The following DCC variants were observed in gnomAD, a reference collection of about 807,000 sequenced individuals.
The protein encoded by DCC is netrin receptor DCC.
Under a neutral mutation model 172.5 loss-of-function variants are expected in DCC, and 58 were observed. That is an observed-to-expected ratio of 0.34 (90% CI 0.27 to 0.42). The LOEUF is 0.42. DCC is among the 10% of genes least tolerant of loss of function. The pLI is 1.00. For missense variants in DCC, 1,740 were observed against 1,791.0 expected (o/e 0.97, Z 0.51); for synonymous variants, 709 against 644.5 (o/e 1.10, Z -1.52).
At chr18:52,967,704 T>C (rs2040958300) in intron 5 of DCC, among the ~76,000 whole-genome samples, 1 of 152,202 alleles carries the variant, frequency 6.6e-6, no homozygotes, top group East Asian at 1.9e-4. Flanking sequence ...TCTCTCTAGA[T>C]GAGCTTTCAC....
intron 13 of DCC, among the ~76,000 whole-genome samples, chr18:53,312,121 AAC>A (rs1203455182): frequency 2.0e-5 from 3 of 150,172 alleles, no homozygotes; most frequent in Non-Finnish European, 3.0e-5. Context: ...CATCCTGTCT[AAC>A]ACGGTGAAAC....
intron 25 of DCC, among the ~76,000 whole-genome samples, chr18:53,479,068 G>A (rs951191352): frequency 1.3e-5 from 2 of 152,312 alleles, no homozygotes; most frequent in African/African-American, 2.4e-5. Flanking sequence ...TTTCCTAGGA[G>A]TAAGGAGTGC....
intron 27 of DCC, among the ~76,000 whole-genome samples, chr18:53,501,799 G>A (rs144538556): frequency 5.1e-4 from 78 of 152,306 alleles, no homozygotes; most frequent in African/African-American, 1.8e-3. Context: ...CCTATGCTCT[G>A]AAGTGCTACA....
chr18:53,073,645 C>T (rs780309698), intron 7 of DCC, among the ~76,000 whole-genome samples: 5 of 151,872 alleles, frequency 3.3e-5, no homozygotes, highest in Non-Finnish European at 4.4e-5. Flanking sequence ...ATTGGTTAGA[C>T]GTTTAGAAAA....
chr18:52,730,772 C>A (rs910987832), intron 1 of DCC, among the ~76,000 whole-genome samples: 5 of 152,130 alleles, frequency 3.3e-5, no homozygotes, highest in African/African-American at 1.2e-4. Context: ...CTAGTCCTCA[C>A]AGAGGGGCTA....
intron 12 of DCC, among the ~76,000 whole-genome samples, chr18:53,229,055 C>G (rs1470698629): frequency 1.3e-5 from 2 of 152,202 alleles, no homozygotes; most frequent in East Asian, 3.9e-4. Flanking sequence ...ACTTCTGATT[C>G]AGTAGGTCTT....
chr18:52,652,740 G>GTGTGTGTGTGTGTGTGTGTGTGTGT (rs1568276051), intron 1 of DCC, among the ~76,000 whole-genome samples: 1 of 151,336 alleles, frequency 6.6e-6, no homozygotes, highest in African/African-American at 2.4e-5. Flanking sequence ...GTGTGTGTGT[G>GTGTGTGTGTGTGTGTGTGTGTGTGT]GGTGGAGGAG....
chr18:52,515,472 T>G (rs2031597841), intron 1 of DCC, among the ~76,000 whole-genome samples: 1 of 150,818 alleles, frequency 6.6e-6, no homozygotes, highest in African/African-American at 2.4e-5. Flanking sequence ...CCGGGTGCAG[T>G]GGCAGGCGCC....
intron 27 of DCC, among the ~76,000 whole-genome samples, chr18:53,499,986 C>A (rs1033640771): frequency 6.6e-6 from 1 of 152,048 alleles, no homozygotes; most frequent in Non-Finnish European, 1.5e-5. Context: ...GAGTACTAGG[C>A]CACAAAGAAA....
At chr18:53,166,965 A>T (rs1185831481) in intron 8 of DCC, among the ~76,000 whole-genome samples, 1 of 152,182 alleles carries the variant, frequency 6.6e-6, no homozygotes, top group Non-Finnish European at 1.5e-5. Flanking sequence ...TTCAGTTTTG[A>T]AATCTTTTAA....
chr18:52,395,847 A>T (rs1329556654), intron 1 of DCC, among the ~76,000 whole-genome samples: 2 of 151,996 alleles, frequency 1.3e-5, no homozygotes, highest in Admixed American at 6.6e-5. Context: ...TCTTCCATTT[A>T]ATGCAACCTA....
chr18:52,598,414 G>A (rs1032604673), intron 1 of DCC, among the ~76,000 whole-genome samples: 6 of 152,128 alleles, frequency 3.9e-5, no homozygotes, highest in African/African-American at 1.4e-4. Flanking sequence ...GTATGTTGAG[G>A]GAAAGCATTT....
At chr18:53,051,315 G>T (rs1347159925) in intron 5 of DCC, among the ~76,000 whole-genome samples, 1 of 152,082 alleles carries the variant, frequency 6.6e-6, no homozygotes, top group East Asian at 1.9e-4. Flanking sequence ...TCTCATAGCA[G>T]ATTTACCTTC....
intron 1 of DCC, among the ~76,000 whole-genome samples, chr18:52,625,030 C>G (rs1044192282): frequency 2.6e-5 from 4 of 152,092 alleles, no homozygotes; most frequent in African/African-American, 9.7e-5. Flanking sequence ...TATGGTGTAG[C>G]CTATTGTTCC....
intron 12 of DCC, among the ~76,000 whole-genome samples, chr18:53,260,204 G>T (rs2056577836): frequency 6.6e-6 from 1 of 152,084 alleles, no homozygotes; most frequent in South Asian, 2.1e-4. Context: ...CTCTCAACTT[G>T]TCAAAGTCAT....
At chr18:53,454,580 A>G (rs1206479444) in intron 23 of DCC, among the ~76,000 whole-genome samples, 3 of 152,202 alleles carry the variant, frequency 2.0e-5, no homozygotes, top group African/African-American at 7.2e-5. Context: ...TCTTGTCTGA[A>G]TGCTTTAAAT....
chr18:52,910,098 C>T (rs1479019322), intron 3 of DCC, among the ~76,000 whole-genome samples: 2 of 152,092 alleles, frequency 1.3e-5, no homozygotes, highest in Non-Finnish European at 2.9e-5. Context: ...TGGAATGCTA[C>T]AGCGCTCATC....
At chr18:52,432,008 T>G (rs539699314) in intron 1 of DCC, among the ~76,000 whole-genome samples, 44 of 152,230 alleles carry the variant, frequency 2.9e-4, no homozygotes, top group African/African-American at 9.9e-4. Flanking sequence ...CTCTGCTGAT[T>G]CTTCTTCCTC....
At chr18:53,376,788 T>G (rs1257672368) in intron 15 of DCC, among the ~76,000 whole-genome samples, 1 of 152,188 alleles carries the variant, frequency 6.6e-6, no homozygotes, top group Non-Finnish European at 1.5e-5. Flanking sequence ...TTCTCCCCTC[T>G]TGACTTCCTA....
Sources: allele counts gnomAD v4.1 joint callset (sites outside exome capture counted in the v4.1 genomes callset), GRCh38; gene constraint gnomAD v4.1.1; transcripts MANE v1.5; gene names NCBI Gene and HGNC (gene_info 2026-07-23, HGNC 2026-07-21).